LUZP2: variants seen among roughly 807,000 people sequenced by gnomAD.
The protein encoded by LUZP2 is leucine zipper protein 2.
LUZP2 carries 52 observed loss-of-function variants against 51.6 expected under a neutral mutation model. The ratio of observed to expected loss-of-function variants is 1.01; its 90% CI spans 0.81 to 1.27. LUZP2 has a LOEUF of 1.27. Among genes scored for constraint, LUZP2 ranks in the 50% most tolerant of loss-of-function variants. The probability of loss-of-function intolerance (pLI) is 0.00; values close to 1 mark genes in which losing one functional copy is unlikely to be tolerated. For missense variants in LUZP2, 436 were observed against 395.4 expected, an observed-to-expected ratio of 1.10 and a Z score of -0.87; for synonymous variants, 154 against 137.3, an observed-to-expected ratio of 1.12 and a Z score of -0.85.
Position 24,602,154 on chromosome 11 carries a change from A to ATGTG in LUZP2, c.62+104850_62+104851insGTGT, listed in dbSNP as rs1277402432. Reference sequence around the variant, plus strand: ...TATGTGTATATATGTATATATGTATATATGTATATATGTGTATATATATGT... The same window carrying ATGTG: ...TATGTGTATATATGTATATATGTATATGTGTATGTATATATGTGTATATATATGT... On this transcript the variant is annotated intron_variant, in intron 1 of 11. Transcript: ENST00000336930. Among the ~76,000 whole-genome samples the ATGTG allele has an allele frequency of 9.6e-4, 124 of 129,234 alleles. 7 individuals carry two copies. Among genetic ancestry groups the ATGTG allele is most frequent in the East Asian group, 2.6e-3 (13 of 4,956 alleles). 84.8% of individuals were successfully genotyped at this position (129,234 alleles called of 152,430 possible).
At chr11:24,801,178 C>G (rs550130376) in intron 5 of LUZP2, among the ~76,000 whole-genome samples, 22 of 152,192 alleles carry the variant, frequency 1.4e-4, no homozygotes, top group Admixed American at 1.3e-3. Context: ...ACTTTAAAGA[C>G]GTGCTGATAA....
intron 1 of LUZP2, among the ~76,000 whole-genome samples, chr11:24,608,499 ACT>A (rs1854009689): frequency 6.6e-6 from 1 of 152,200 alleles, no homozygotes; most frequent in Non-Finnish European, 1.5e-5. Flanking sequence ...ACAATAACAA[ACT>A]CTCTTTAAAT....
At chr11:24,834,492 C>T (rs1353504239) in intron 5 of LUZP2, among the ~76,000 whole-genome samples, 1 of 152,178 alleles carries the variant, frequency 6.6e-6, no homozygotes, top group Non-Finnish European at 1.5e-5. Flanking sequence ...TCCAGTCTAT[C>T]ACTGATACAC....
At chr11:24,752,452 T>C (rs141489910) in intron 4 of LUZP2, among the ~76,000 whole-genome samples, 4 of 152,272 alleles carry the variant, frequency 2.6e-5, no homozygotes, top group African/African-American at 9.6e-5. Context: ...GAGGAAATAC[T>C]GTACTCAAAA....
rs1252872255 is a variant in LUZP2 at position 24,602,237 on chromosome 11, T to TATATATGTATATATGTAC, written c.62+104946_62+104947insGTACATATATGTATATAT. Among the ~76,000 whole-genome samples, 274 of 39,900 alleles carry TATATATGTATATATGTAC rather than the reference T, an allele frequency of 6.9e-3. 10 individuals carry two copies. The East Asian group carries it at 0.12, about 18-fold the overall frequency. 26.2% of individuals were successfully genotyped at this position (39,900 alleles called of 152,430 possible). A position where few individuals can be genotyped will look rare whatever the true frequency, so the allele number is the denominator to read the frequency against. On this transcript the variant is annotated intron_variant, in intron 1 of 11. Coordinates refer to ENST00000336930, the MANE Select transcript of LUZP2 (RefSeq NM_001009909.4). ...ATATGTATATATGTACATATATGTG[T>TATATATGTATATATGTAC]ATATATGTATATATATGCAAACATA...
chr11:25,019,315 A>G (rs945161636), intron 9 of LUZP2, among the ~76,000 whole-genome samples: 45 of 152,196 alleles, frequency 3.0e-4, no homozygotes, highest in Non-Finnish European at 5.6e-4. Flanking sequence ...TTCATTTTAC[A>G]TGAGAGTAAA....
chr11:24,526,765 T>C (rs1850819102), intron 1 of LUZP2, among the ~76,000 whole-genome samples: 1 of 151,226 alleles, frequency 6.6e-6, no homozygotes, highest in South Asian at 2.1e-4. Context: ...TAGACCTTTC[T>C]TTGATCTTTT....
chr11:25,070,600 C>G (rs1257072012), intron 10 of LUZP2, among the ~76,000 whole-genome samples: 1 of 151,920 alleles, frequency 6.6e-6, no homozygotes, highest in East Asian at 1.9e-4. Flanking sequence ...TAGAATCCTG[C>G]CTGTTAAAAT....
chr11:24,845,718 A>G (rs953518209), intron 5 of LUZP2, among the ~76,000 whole-genome samples: 5 of 151,898 alleles, frequency 3.3e-5, no homozygotes, highest in African/African-American at 1.2e-4. Context: ...GATGGTTTTA[A>G]AAAACAGGAG....
chr11:25,013,682 G>A (rs7104505), intron 9 of LUZP2, among the ~76,000 whole-genome samples: 56,945 of 151,736 alleles, frequency 0.38, 13,253 homozygotes, highest in East Asian at 0.77. Flanking sequence ...TAGACATAAG[G>A]TCACCCAATG....
chr11:24,528,280 A>C (rs1053502498), intron 1 of LUZP2, among the ~76,000 whole-genome samples: 7 of 151,264 alleles, frequency 4.6e-5, no homozygotes, highest in African/African-American at 1.7e-4. Flanking sequence ...TAAAAAAAAA[A>C]GTTAAGTTTC....
chr11:24,826,188 A>ATATATATATATATAT (rs1193136085), intron 5 of LUZP2, among the ~76,000 whole-genome samples: 1 of 28,026 alleles, frequency 3.6e-5, no homozygotes, highest in Non-Finnish European at 7.9e-5. Flanking sequence ...AAAAAAAAAA[A>ATATATATATATATAT]AAATATATAT....
At chr11:24,865,779 T>C (rs1851874857) in intron 5 of LUZP2, among the ~76,000 whole-genome samples, 1 of 13,570 alleles carries the variant, frequency 7.4e-5, no homozygotes, top group Non-Finnish European at 1.6e-4. Context: ...TATGCATGTA[T>C]ATGTGTGTGT....
At chr11:25,025,312 A>C (rs557296236) in intron 9 of LUZP2, among the ~76,000 whole-genome samples, 17 of 152,294 alleles carry the variant, frequency 1.1e-4, no homozygotes, top group African/African-American at 3.8e-4. Context: ...TAATTAAACT[A>C]AAGAGCTTCT....
chr11:24,890,756 T>A (rs1852825707), intron 5 of LUZP2, among the ~76,000 whole-genome samples: 1 of 152,146 alleles, frequency 6.6e-6, no homozygotes, highest in Non-Finnish European at 1.5e-5. Context: ...ACATGTTTAA[T>A]AATGCACAAT....
Position 24,926,362 on chromosome 11 carries a change from TATATATATATAC to T in LUZP2, c.522+11825_522+11836del, listed in dbSNP as rs1166408143. On this transcript the variant is annotated intron_variant, in intron 7 of 11. Coordinates refer to ENST00000336930, the MANE Select transcript of LUZP2 (RefSeq NM_001009909.4). ...ATACGTGTGTATATATATACGTGTG[TATATATATATAC>T]GTGTGTATATATATACGTGTGTATA... Among the ~76,000 whole-genome samples the T allele has an allele frequency of 8.8e-3, 508 of 57,714 alleles. 64 individuals carry two copies. Among genetic ancestry groups the T allele is most frequent in the African/African-American group, 0.035 (463 of 13,378 alleles). 37.9% of individuals were successfully genotyped at this position (57,714 alleles called of 152,430 possible).
chr11:25,016,732 C>T (rs1345302245), intron 9 of LUZP2, among the ~76,000 whole-genome samples: 3 of 152,080 alleles, frequency 2.0e-5, no homozygotes, highest in South Asian at 2.1e-4. Flanking sequence ...CTGCTATAAA[C>T]GTACATATGC....
intron 5 of LUZP2, among the ~76,000 whole-genome samples, chr11:24,882,141 T>C (rs10834525): frequency 0.49 from 73,853 of 151,734 alleles, 18,471 homozygotes; most frequent in East Asian, 0.69. Context: ...CTGTATTCAG[T>C]CATAGTGATA....
intron 1 of LUZP2, among the ~76,000 whole-genome samples, chr11:24,555,295 C>A (rs1444351629): frequency 2.0e-5 from 3 of 152,048 alleles, no homozygotes; most frequent in Non-Finnish European, 4.4e-5. Context: ...TAACTCAGAG[C>A]TTTTGTATGA....
Sources: allele counts gnomAD v4.1 joint callset (sites outside exome capture counted in the v4.1 genomes callset), GRCh38; gene constraint gnomAD v4.1.1; transcripts MANE v1.5; gene names NCBI Gene and HGNC (gene_info 2026-07-23, HGNC 2026-07-21).